The following CHCHD6 variants were observed in gnomAD, a reference collection of about 807,000 sequenced individuals.
CHCHD6 encodes coiled-coil-helix-coiled-coil-helix domain containing 6.
Under a neutral mutation model 32.3 loss-of-function variants are expected in CHCHD6, and 28 were observed. That is an observed-to-expected ratio of 0.87 (90% confidence interval 0.64 to 1.19). CHCHD6 has a LOEUF of 1.19. Ranked by LOEUF, CHCHD6 falls within the 50% of genes most tolerant of loss-of-function variation. CHCHD6 has a pLI of 0.00. For missense variants in CHCHD6, 333 were observed against 307.0 expected, an observed-to-expected ratio of 1.08 and a Z score of -0.63; for synonymous variants, 122 against 117.5, an observed-to-expected ratio of 1.04 and a Z score of -0.25.
In CHCHD6 at chr3:126,704,255, C is replaced by G. The variant is rs979270249; in HGVS notation, c.-58C>G. ...CGAGTCCTGGAAAGCGTTGTTGGCC[C>G]GGTTGCTCTGGAGCCGGGTCTCGGG... On this transcript the variant is annotated 5_prime_UTR_variant, in exon 1 of 8. Transcript: ENST00000290913. 3.5e-6 allele frequency: 5 copies of G among 1,411,106 alleles called. No individual in the cohort carries two copies. Among genetic ancestry groups the G allele is most frequent in the South Asian group, 2.3e-5 (2 of 85,136 alleles). The allele number at this position is 1,411,106 out of a possible 1,614,324, so 87.4% of individuals were successfully genotyped here.
At chr3:126,795,060 G>C (rs1166218128) in intron 4 of CHCHD6, among the ~76,000 whole-genome samples, 2 of 152,126 alleles carry the variant, frequency 1.3e-5, no homozygotes, top group Admixed American at 1.3e-4. Flanking sequence ...TGCCTCTCCT[G>C]AGGGGCTGCA....
chr3:126,711,605 T>A (rs1216400400), intron 1 of CHCHD6, among the ~76,000 whole-genome samples: 2 of 152,250 alleles, frequency 1.3e-5, no homozygotes, highest in Admixed American at 6.5e-5. Flanking sequence ...ACTTATGCCC[T>A]GACACTTCAG....
At chr3:126,936,746 A>G (rs1018620858) in intron 6 of CHCHD6, among the ~76,000 whole-genome samples, 60 of 152,198 alleles carry the variant, frequency 3.9e-4, no homozygotes, top group Middle Eastern at 6.8e-3. Flanking sequence ...TACTAGAGAC[A>G]GTTTCACCAT....
intron 4 of CHCHD6, among the ~76,000 whole-genome samples, chr3:126,737,418 A>ATATG (rs1426914783): frequency 1.4e-5 from 2 of 147,484 alleles, no homozygotes; most frequent in African/African-American, 2.5e-5. Context: ...ATATATATAT[A>ATATG]TGCACACAAA....
intron 4 of CHCHD6, among the ~76,000 whole-genome samples, chr3:126,763,167 C>CTTCCT (rs937718159): frequency 1.3e-5 from 2 of 151,980 alleles, no homozygotes; most frequent in South Asian, 4.2e-4. Context: ...CTTCTGCTGT[C>CTTCCT]TTCCTTTCCT....
At chr3:126,923,114 C>T (rs1053299799) in intron 6 of CHCHD6, among the ~76,000 whole-genome samples, 5 of 152,202 alleles carry the variant, frequency 3.3e-5, no homozygotes, top group Non-Finnish European at 4.4e-5. Context: ...TGTAGCAGCT[C>T]ATCTCAGCCA....
chr3:126,934,996 C>T (rs905528282), intron 6 of CHCHD6: 6 of 297,008 alleles, frequency 2.0e-5, no homozygotes, highest in Middle Eastern at 4.5e-4. Context: ...CAATTCTGGA[C>T]GAGAAGACAG....
At chr3:126,894,954 A>G (rs537052707) in intron 5 of CHCHD6, among the ~76,000 whole-genome samples, 22 of 152,300 alleles carry the variant, frequency 1.4e-4, no homozygotes, top group African/African-American at 5.1e-4. Flanking sequence ...TTTTCTGCCA[A>G]CCCCTTATCC....
At chr3:126,820,888 G>A (rs1303282121) in intron 4 of CHCHD6, among the ~76,000 whole-genome samples, 2 of 151,984 alleles carry the variant, frequency 1.3e-5, no homozygotes, top group Non-Finnish European at 2.9e-5. Flanking sequence ...TAGTATATTC[G>A]CAGAATTGTG....
At chr3:126,809,860 A>C (rs905634076) in intron 4 of CHCHD6, among the ~76,000 whole-genome samples, 1 of 152,212 alleles carries the variant, frequency 6.6e-6, no homozygotes, top group Non-Finnish European at 1.5e-5. Context: ...TTTTAGCAGA[A>C]TTCATGTTGC....
chr3:126,824,798 C>G (rs765890488), intron 4 of CHCHD6, among the ~76,000 whole-genome samples: 1 of 151,748 alleles, frequency 6.6e-6, no homozygotes, highest in Non-Finnish European at 1.5e-5. Context: ...AGGCTGGTCT[C>G]GAACTCCCAA....
chr3:126,877,100 T>C lies in CHCHD6; in HGVS notation c.495+24370T>C, dbSNP rs370094405. The stretch of plus-strand genomic sequence containing the variant: ...ATAAGGGGGAAAAAGATAGAAGTGT[T>C]TGAATCCACTTATTTTTCAGAAAGA... On this transcript the variant is annotated intron_variant, in intron 5 of 7. Coordinates refer to ENST00000290913, the MANE Select transcript of CHCHD6 (RefSeq NM_032343.3). Among the ~76,000 whole-genome samples the C allele has an allele frequency of 9.9e-5, 15 of 152,222 alleles. No individual in the cohort carries two copies. In the East Asian group the frequency reaches 1.7e-3, roughly 18 times the overall value.
At chr3:126,840,811 GAT>G (rs1205727727) in intron 4 of CHCHD6, among the ~76,000 whole-genome samples, 1 of 152,004 alleles carries the variant, frequency 6.6e-6, no homozygotes, top group African/African-American at 2.4e-5. Context: ...TTGAAATAGA[GAT>G]TATATTAATT....
At chr3:126,869,288 CTTTTTTTTTTTT>C (rs58408227) in intron 5 of CHCHD6, among the ~76,000 whole-genome samples, 4 of 108,702 alleles carry the variant, frequency 3.7e-5, no homozygotes, top group East Asian at 5.0e-4. Context: ...CACCAGTCTC[CTTTTTTTTTTTT>C]TTTTTTTTTT....
intron 6 of CHCHD6, among the ~76,000 whole-genome samples, chr3:126,924,416 C>A (rs2078295135): frequency 6.6e-6 from 1 of 152,228 alleles, no homozygotes; most frequent in South Asian, 2.1e-4. Context: ...CACACACACA[C>A]TCTCACGTAT....
chr3:126,914,630 C>T (rs778718298), intron 5 of CHCHD6, 50 bp from the exon 6 acceptor site: 7 of 1,003,274 alleles, frequency 7.0e-6, no homozygotes, highest in Non-Finnish European at 1.1e-5. Context: ...CATTAGAGAG[C>T]AGAGGGAAAT....
intron 5 of CHCHD6, among the ~76,000 whole-genome samples, chr3:126,897,076 A>G (rs2107580899): frequency 6.6e-6 from 1 of 152,240 alleles, no homozygotes; most frequent in East Asian, 1.9e-4. Context: ...AAGGGAAGGG[A>G]TGAGGGGCAG....
At chr3:126,920,966 A>AT (rs199791349) in intron 6 of CHCHD6, among the ~76,000 whole-genome samples, 7 of 151,150 alleles carry the variant, frequency 4.6e-5, no homozygotes, top group South Asian at 2.1e-4. Flanking sequence ...TTCCAACTTA[A>AT]TTTTTTTTTC....
At chr3:126,851,254 G>A (rs1379549226) in intron 4 of CHCHD6, among the ~76,000 whole-genome samples, 1 of 152,218 alleles carries the variant, frequency 6.6e-6, no homozygotes, top group Non-Finnish European at 1.5e-5. Flanking sequence ...TGGTGGTTCT[G>A]CAAGGTTCCC....
Sources: gnomAD v4.1 joint callset for allele counts (sites outside exome capture counted in the v4.1 genomes callset) on GRCh38, gnomAD v4.1.1 for gene constraint, MANE v1.5 for transcripts, NCBI Gene and HGNC (gene_info 2026-07-23, HGNC 2026-07-21) for gene names.